TENM2: variants seen among roughly 807,000 people sequenced by gnomAD.
TENM2 encodes the protein teneurin-2.
A neutral mutation model predicts 245.2 loss-of-function variants in TENM2; 52 were observed. That is an observed-to-expected ratio of 0.21 (90% CI 0.17 to 0.27). The LOEUF is 0.27. Ranked by LOEUF, TENM2 falls within the 10% of genes least tolerant of loss-of-function variation. The pLI is 1.00. For synonymous variants in TENM2, 1,363 were observed against 1,438.9 expected, an observed-to-expected ratio of 0.95 and a Z score of 1.19; for missense variants, 3,046 against 3,666.8, an observed-to-expected ratio of 0.83 and a Z score of 4.37.
chr5:168,173,359 A>G (rs1759029722), intron 13 of TENM2, among the ~76,000 whole-genome samples: 1 of 152,118 alleles, frequency 6.6e-6, no homozygotes, highest in Non-Finnish European at 1.5e-5. Context: ...TGCCACCAAA[A>G]GGACTCAGTG....
chr5:167,813,756 T>A (rs1766822532), intron 2 of TENM2, among the ~76,000 whole-genome samples: 1 of 152,126 alleles, frequency 6.6e-6, no homozygotes, highest in Non-Finnish European at 1.5e-5. Flanking sequence ...TCATTTCAGT[T>A]GTGTAGCCTT....
chr5:167,924,448 C>T (rs1027688973), intron 3 of TENM2, among the ~76,000 whole-genome samples: 1 of 152,168 alleles, frequency 6.6e-6, no homozygotes, highest in African/African-American at 2.4e-5. Context: ...CTGCGTCTGA[C>T]CTGTCAGCCA....
intron 27 of TENM2, among the ~76,000 whole-genome samples, chr5:168,257,957 G>T (rs796207026): frequency 1.4e-4 from 21 of 152,270 alleles, no homozygotes; most frequent in African/African-American, 4.8e-4. Context: ...TGCTGATAAG[G>T]AATGTGGGGT....
intron 13 of TENM2, among the ~76,000 whole-genome samples, chr5:168,170,115 T>C (rs9313397): frequency 0.55 from 83,765 of 152,030 alleles, 24,709 homozygotes; most frequent in African/African-American, 0.78. Context: ...AAATAAGATC[T>C]TTGACTTCCT....
intron 2 of TENM2, among the ~76,000 whole-genome samples, chr5:167,748,257 G>A (rs75593986): frequency 4.3e-4 from 65 of 152,132 alleles, no homozygotes; most frequent in African/African-American, 1.5e-3. Flanking sequence ...TTTGTGGTAC[G>A]GATTGAAAAG....
chr5:167,997,592 C>T (rs1784148672), intron 5 of TENM2, among the ~76,000 whole-genome samples: 1 of 152,220 alleles, frequency 6.6e-6, no homozygotes, highest in Non-Finnish European at 1.5e-5. Flanking sequence ...AAGTTAAAAA[C>T]AGCCATAGAC....
chr5:167,297,172 T>G (rs1160406931), intron 1 of TENM2, among the ~76,000 whole-genome samples: 1 of 152,218 alleles, frequency 6.6e-6, no homozygotes, highest in Non-Finnish European at 1.5e-5. Flanking sequence ...ACCTCATACT[T>G]AGCATAGTGA....
At chr5:167,035,346 C>T in the TENM2 span, among the ~76,000 whole-genome samples, 1 of 152,096 alleles carries the variant, frequency 6.6e-6, no homozygotes, top group Non-Finnish European at 1.5e-5. Flanking sequence ...TTTCATAATT[C>T]GAGGACTAAT....
chr5:168,105,843 C>T (rs1794200284), intron 9 of TENM2, among the ~76,000 whole-genome samples: 1 of 152,162 alleles, frequency 6.6e-6, no homozygotes. Flanking sequence ...ATGGTTTTCT[C>T]ATTACTTTAA....
In TENM2 at chr5:168,039,755, T is replaced by C. The variant is rs539968878; in HGVS notation, c.1187-7672T>C. 2.6e-5 allele frequency among the ~76,000 whole-genome samples: 4 copies of C among 152,018 alleles called. No homozygotes were observed. The South Asian group carries it at 8.4e-4, about 32-fold the overall frequency. ...GAAAGTGGCTGTGAGCACATGTGTC[T>C]TTCTTATGTATTGATCTTTCCAGTG... On this transcript the variant is annotated intron_variant, in intron 5 of 28. Coordinates refer to ENST00000518659, the Ensembl canonical transcript of TENM2.
intron 25 of TENM2, among the ~76,000 whole-genome samples, chr5:168,240,597 ATGTTGCTGTTGC>A (rs1765996539): frequency 6.6e-6 from 1 of 151,926 alleles, no homozygotes; most frequent in African/African-American, 2.4e-5. Context: ...AATGCTCAAC[ATGTTGCTGTTGC>A]TGTGGTTTTT....
the TENM2 span, among the ~76,000 whole-genome samples, chr5:167,081,156 A>G: frequency 5.3e-5 from 8 of 151,788 alleles, no homozygotes; most frequent in African/African-American, 1.9e-4. Context: ...AGATGGTGCT[A>G]TTTATATCAA....
chr5:167,721,659 T>C (rs572048402), intron 2 of TENM2, among the ~76,000 whole-genome samples: 2 of 152,318 alleles, frequency 1.3e-5, no homozygotes, highest in Non-Finnish European at 2.9e-5. Flanking sequence ...GAAGGACATG[T>C]GGATGAGTTC....
the TENM2 span, among the ~76,000 whole-genome samples, chr5:167,274,789 T>A: frequency 1.3e-5 from 2 of 152,058 alleles, no homozygotes; most frequent in Non-Finnish European, 2.9e-5. Context: ...TATCTGCCAT[T>A]TATATATCCT....
At chr5:167,292,584 T>A (rs1241585093) in intron 1 of TENM2, among the ~76,000 whole-genome samples, 3 of 152,238 alleles carry the variant, frequency 2.0e-5, no homozygotes, top group African/African-American at 7.2e-5. Flanking sequence ...AGTTTTGAGT[T>A]TTTAAAACAC....
rs796169157 is a variant in TENM2, at chr5:167,570,391, G to GA, written c.502+194929dup. Among the ~76,000 whole-genome samples, 154 of 30,652 alleles carry GA rather than the reference G, an allele frequency of 5.0e-3. No homozygotes were observed. The East Asian group carries it at 0.14, about 27-fold the overall frequency. The allele number at this position is 30,652 out of a possible 152,430, so 20.1% of individuals were successfully genotyped here. A position where few individuals can be genotyped will look rare whatever the true frequency, so the allele number is the denominator to read the frequency against. The stretch of plus-strand genomic sequence containing the variant: ...ATTTTAAGAAGGATGAATTGGAGAA[G>GA]AAAAAAAAAAACCTCTTAAAACGGC... On this transcript the variant is annotated intron_variant, in intron 2 of 28. Transcript: ENST00000518659.
intron 3 of TENM2, among the ~76,000 whole-genome samples, chr5:167,927,339 A>G (rs1777841260): frequency 6.6e-6 from 1 of 152,190 alleles, no homozygotes; most frequent in Non-Finnish European, 1.5e-5. Flanking sequence ...CTTGAATGTT[A>G]CATTATTCTA....
the TENM2 span, among the ~76,000 whole-genome samples, chr5:167,084,909 G>T: frequency 1.3e-5 from 2 of 152,054 alleles, no homozygotes; most frequent in African/African-American, 4.8e-5. Context: ...GTTAAATAAG[G>T]CTGTTATTCA....
chr5:167,054,286 C>A, the TENM2 span, among the ~76,000 whole-genome samples: 2 of 152,158 alleles, frequency 1.3e-5, no homozygotes. Flanking sequence ...GGAATCATAC[C>A]ATATGTGCTG....
Sources: gnomAD v4.1 joint callset for allele counts (sites outside exome capture counted in the v4.1 genomes callset) on GRCh38, gnomAD v4.1.1 for gene constraint, MANE v1.5 for transcripts, NCBI Gene and HGNC (gene_info 2026-07-23, HGNC 2026-07-21) for gene names.